The following ARHGEF1 variants were observed in gnomAD, a reference collection of about 807,000 sequenced individuals.
ARHGEF1 encodes the protein Rho guanine nucleotide exchange factor 1.
Under a neutral mutation model 119.7 loss-of-function variants are expected in ARHGEF1, and 40 were observed. That is an observed-to-expected ratio of 0.33 (90% CI 0.26 to 0.44). The LOEUF is 0.44. Ranked by LOEUF, ARHGEF1 falls within the 20% of genes least tolerant of loss-of-function variation. The pLI, the probability that ARHGEF1 is intolerant of heterozygous loss-of-function variation, is 1.00. For missense variants in ARHGEF1, 976 were observed against 1,268.3 expected, an observed-to-expected ratio of 0.77 and a Z score of 3.50; for synonymous variants, 494 against 521.0, an observed-to-expected ratio of 0.95 and a Z score of 0.71.
chr19:41,912,877 C>T, intron 18 of ARHGEF1: 3 of 1,227,632 alleles, frequency 2.4e-6, no homozygotes, highest in Admixed American at 8.5e-5. Flanking sequence ...GCCGGCAGGG[C>T]GGGCGGGGCG....
chr19:41,898,478 G>T lies in ARHGEF1; in HGVS notation c.1158G>T (p.Ser386=). The stretch of plus-strand genomic sequence containing the variant: ...GAGATGAGGGGGAGCCGGGGCGGTC[G>T]GGACTGGAGCTTGAACCAGAAGAGC... The part of the protein sequence containing the change: ...EPGDEGEPGR[S]GLELEPEEPP... The change falls in exon 14 of 29, where the codon TCG becomes TCT. Residue 386 remains serine, a synonymous_variant. Coordinates refer to ENST00000354532, the MANE Select transcript of ARHGEF1 (RefSeq NM_004706.4). The T allele has an allele frequency of 6.5e-7, 1 of 1,550,078 alleles. No homozygotes were observed. The highest frequency in any genetic ancestry group is 8.7e-7 in the Non-Finnish European group (1 of 1,146,618).
rs1434213228 is a variant in ARHGEF1 at position 41,903,480 on chromosome 19, G to A, written c.1839+73G>A. The A allele has an allele frequency of 7.0e-7, 1 of 1,437,966 alleles. No homozygotes were observed. Among genetic ancestry groups the A allele is most frequent in the African/African-American group, 1.4e-5 (1 of 71,162 alleles). The allele number at this position is 1,437,966 out of a possible 1,614,324, so 89.1% of individuals were successfully genotyped here. A position where few individuals can be genotyped will look rare whatever the true frequency, so the allele number is the denominator to read the frequency against. On this transcript the variant is annotated intron_variant, in intron 19 of 28. Coordinates refer to ENST00000354532, the MANE Select transcript of ARHGEF1 (RefSeq NM_004706.4). This position sits in a 1 kb window ranked among gnomAD's most constrained non-coding sequence, Gnocchi z 4.2. ...CAGGGGGTGGACCCTACCTCAGCCTGTCCAGAAGTCACACCCCACCCCTTG... is the reference window on the plus strand; with the variant it reads ...CAGGGGGTGGACCCTACCTCAGCCTATCCAGAAGTCACACCCCACCCCTTG...
In ARHGEF1 at chr19:41,892,086, T is replaced by C. The variant is rs927400585; in HGVS notation, c.287T>C (p.Phe96Ser). 7 of 1,613,270 alleles carry C rather than the reference T, an allele frequency of 4.3e-6. No individual in the cohort carries two copies. The highest frequency in any genetic ancestry group is 5.9e-6 in the Non-Finnish European group (7 of 1,179,532). The change falls in exon 5 of 29, where the codon TTC becomes TCC. Residue 96 changes from phenylalanine to serine, a missense_variant. This residue lies in a region of ARHGEF1 where 519 missense variants were observed against 580.9 expected (regional missense o/e 0.89). Coordinates refer to ENST00000354532, the MANE Select transcript of ARHGEF1 (RefSeq NM_004706.4). This position sits in a 1 kb window ranked among gnomAD's most constrained non-coding sequence, Gnocchi z 6.3. ...GGCCCCAAGGAGGCCAAGAAGGCCT[T>C]CCTGGACTTCTACCACAGCTTCCTG... The part of the protein sequence containing the change: ...SLGPKEAKKA[F>S]LDFYHSFLEK...
At chr19:41,894,958 C>T (rs1386370972) in intron 11 of ARHGEF1, among the ~76,000 whole-genome samples, 2 of 100,936 alleles carry the variant, frequency 2.0e-5, no homozygotes, top group East Asian at 6.9e-4. Context: ...GGAGGGAGGC[C>T]TGGGGCCTGG....
intron 1 of ARHGEF1, among the ~76,000 whole-genome samples, chr19:41,884,917 T>C (rs2074270809): frequency 6.6e-6 from 1 of 152,168 alleles, no homozygotes; most frequent in Non-Finnish European, 1.5e-5. Context: ...GTGTGTCAAA[T>C]AGAATCTGGG....
chr19:41,923,027 G>A (rs2074851145), upstream of ARHGEF1: 4 of 405,182 alleles, frequency 9.9e-6, no homozygotes, highest in South Asian at 7.3e-5. Context: ...GGCGGGAGGG[G>A]GCTGGGGGAA....
upstream of ARHGEF1, among the ~76,000 whole-genome samples, chr19:41,918,452 T>C (rs2074816196): frequency 7.7e-6 from 1 of 129,170 alleles, no homozygotes. Context: ...ACACCACACA[T>C]GCACCACCTA....
chr19:41,891,955 C>T, intron 4 of ARHGEF1, 70 bp from the exon 5 acceptor site: 3 of 1,386,596 alleles, frequency 2.2e-6, no homozygotes, highest in Non-Finnish European at 3.0e-6. Context: ...GAGGAAGGCC[C>T]TTTTCAAAGG....
downstream of ARHGEF1, chr19:41,909,260 C>T: frequency 1.6e-6 from 2 of 1,232,520 alleles, no homozygotes; most frequent in Non-Finnish European, 2.0e-6. This position sits in a 1 kb window ranked among gnomAD's most constrained non-coding sequence, Gnocchi z 5.2. Flanking sequence ...TCCAGGACCC[C>T]AGTACCCAGA....
chr19:41,915,132 G>A (rs1466605731), intron 18 of ARHGEF1, among the ~76,000 whole-genome samples: 1 of 16,688 alleles, frequency 6.0e-5, no homozygotes, highest in Non-Finnish European at 1.2e-4. Context: ...TCCTCCCCCC[G>A]CCCCCACCCC....
chr19:41,894,328 C>T (rs1170347517), intron 9 of ARHGEF1, 22 bp downstream of exon 9: 1 of 1,529,212 alleles, frequency 6.5e-7, no homozygotes, highest in African/African-American at 1.4e-5. Flanking sequence ...AGTGCCCCGT[C>T]CTGACCCTTT....
intron 1 of ARHGEF1, among the ~76,000 whole-genome samples, chr19:41,923,472 A>G (rs2145908925): frequency 6.6e-6 from 1 of 151,186 alleles, no homozygotes; most frequent in Middle Eastern, 3.4e-3. Flanking sequence ...ACAGAGACAA[A>G]AAGACAGGGT....
intron 13 of ARHGEF1, chr19:41,896,941 C>A (rs559532077): frequency 2.9e-6 from 1 of 348,748 alleles, no homozygotes; most frequent in Non-Finnish European, 5.5e-6. Flanking sequence ...TCACCTCCCC[C>A]CTCCTCTCTC....
At chr19:41,895,537 G>A (rs2074469916) in intron 12 of ARHGEF1, 51 bp downstream of exon 12, 1 of 1,535,498 alleles carries the variant, frequency 6.5e-7, no homozygotes, top group African/African-American at 1.4e-5. Flanking sequence ...TCCAGGGTGG[G>A]GGTGCTGCCT....
chr19:41,908,628 C>T (rs189773033), downstream of ARHGEF1: 9,295 of 1,231,550 alleles, frequency 7.5e-3, 53 homozygotes, highest in Non-Finnish European at 8.4e-3. The surrounding 1 kb of genome is among the most constrained non-coding windows in gnomAD (Gnocchi z 6.7). Flanking sequence ...AGGGAAGGCG[C>T]GGCCATAAGG....
intron 14 of ARHGEF1, 121 bp from the exon 15 acceptor site, chr19:41,901,766 T>C (rs2074608281): frequency 8.6e-6 from 11 of 1,277,852 alleles, no homozygotes; most frequent in Non-Finnish European, 1.2e-5. Context: ...GAGAGTTTTT[T>C]CCCACCAACT....
chr19:41,904,176 C>T lies in ARHGEF1; in HGVS notation c.1994-40C>T, dbSNP rs781980838. 14 of 1,612,396 alleles carry T rather than the reference C, an allele frequency of 8.7e-6. No homozygotes were observed. In the East Asian group the frequency reaches 1.6e-4, roughly 18 times the overall value. ...AGTGAGCCAAGGGCGGGGAGGGGGT[C>T]GCGCGGGGGCACGCCGTGTGAGCAC... On this transcript the variant is annotated intron_variant, in intron 21 of 28. Transcript: ENST00000354532. This position sits in a 1 kb window ranked among gnomAD's most constrained non-coding sequence, Gnocchi z 8.4.
rs1199087888 is a variant in ARHGEF1 at position 41,897,379 on chromosome 19, C to G, written c.1121+897C>G. 25 of 1,191,290 alleles carry G rather than the reference C, an allele frequency of 2.1e-5. No individual in the cohort carries two copies. The African/African-American group carries it at 3.8e-4, about 18-fold the overall frequency. 73.8% of individuals were successfully genotyped at this position (1,191,290 alleles called of 1,614,324 possible). A position where few individuals can be genotyped will look rare whatever the true frequency, so the allele number is the denominator to read the frequency against. On this transcript the variant is annotated intron_variant, in intron 13 of 28. Transcript: ENST00000354532. ...AGGGCTAGCCCCTCCCCCATTTCTC[C>G]CAGCCCCTCCCCTCTCCCCATGGCC...
At position 41,906,785 on chromosome 19, in the gene ARHGEF1, G is replaced by A. The variant is rs782703736; in HGVS notation, c.2738G>A (p.Ter913=). The A allele has an allele frequency of 6.2e-6, 10 of 1,610,524 alleles. No individual in the cohort carries two copies. The East Asian group carries it at 2.2e-4, about 36-fold the overall frequency. The change falls in exon 28 of 29, where the codon TGA becomes TAA. Residue 913 remains the stop codon, a stop_retained_variant. Coordinates refer to ENST00000354532, the MANE Select transcript of ARHGEF1 (RefSeq NM_004706.4). The surrounding 1 kb of genome is among the most constrained non-coding windows in gnomAD (Gnocchi z 4.5). ...TCTGTCCCCCAGCCTGGCTGCACTTGAGGTTCCCGCCCAGGAAGGTGAGTG... is the reference window on the plus strand; with the variant it reads ...TCTGTCCCCCAGCCTGGCTGCACTTAAGGTTCCCGCCCAGGAAGGTGAGTG... ...GNSVPQPGCT[*]
Sources: allele counts gnomAD v4.1 joint callset (sites outside exome capture counted in the v4.1 genomes callset), GRCh38; gene constraint gnomAD v4.1.1; regional missense constraint gnomAD v4.1.1; non-coding constraint Gnocchi (gnomAD v3.1); transcripts MANE v1.5; gene names NCBI Gene and HGNC (gene_info 2026-07-23, HGNC 2026-07-21).